Variants in HECW1 observed in about 807,000 individuals in gnomAD.
The protein encoded by HECW1 is HECT, C2 and WW domain containing E3 ubiquitin protein ligase 1, also known as E3 ubiquitin-protein ligase HECW1.
Under a neutral mutation model 182.3 loss-of-function variants are expected in HECW1, and 61 were observed. That is an observed-to-expected ratio of 0.33 (90% confidence interval 0.27 to 0.41). HECW1 has a LOEUF of 0.41. HECW1 is among the 10% of genes least tolerant of loss of function. HECW1 has a pLI of 1.00. For synonymous variants in HECW1, 859 were observed against 832.6 expected (o/e 1.03, Z -0.55); for missense variants, 1,739 against 2,108.9 (o/e 0.82, Z 3.44).
At chr7:43,488,709 G>C (rs1488574146) in intron 17 of HECW1, among the ~76,000 whole-genome samples, 3 of 152,066 alleles carry the variant, frequency 2.0e-5, no homozygotes, top group African/African-American at 7.2e-5. Context: ...TGTCTTCATC[G>C]CTGTCCATTC....
intron 2 of HECW1, among the ~76,000 whole-genome samples, chr7:43,128,726 A>G (rs1305221598): frequency 6.6e-6 from 1 of 152,216 alleles, no homozygotes; most frequent in African/African-American, 2.4e-5. Context: ...GGTAGAGTCC[A>G]TTGAAAACCT....
intron 24 of HECW1, among the ~76,000 whole-genome samples, chr7:43,524,630 C>T (rs914500818): frequency 6.6e-6 from 1 of 152,156 alleles, no homozygotes; most frequent in Non-Finnish European, 1.5e-5. Flanking sequence ...TAAGCAAATA[C>T]TAACATTATT....
At chr7:43,251,507 G>A in intron 3 of HECW1, among the ~76,000 whole-genome samples, 1 of 152,046 alleles carries the variant, frequency 6.6e-6, no homozygotes, top group East Asian at 1.9e-4. Context: ...ATAGAGATGG[G>A]GTTTCACCAT....
chr7:43,266,319 G>GT (rs1186650361), intron 3 of HECW1, among the ~76,000 whole-genome samples: 1 of 151,986 alleles, frequency 6.6e-6, no homozygotes, highest in Non-Finnish European at 1.5e-5. Flanking sequence ...CTCAGGAAGT[G>GT]TTTTTTTGTT....
At chr7:43,215,107 AG>A (rs1562685582) in intron 2 of HECW1, among the ~76,000 whole-genome samples, 1 of 152,150 alleles carries the variant, frequency 6.6e-6, no homozygotes, top group Non-Finnish European at 1.5e-5. Context: ...TTGAATTTTC[AG>A]GTTCTTGATT....
chr7:43,392,958 C>T (rs2075095294), intron 6 of HECW1, among the ~76,000 whole-genome samples: 1 of 152,010 alleles, frequency 6.6e-6, no homozygotes, highest in African/African-American at 2.4e-5. Flanking sequence ...TTTCAAAAGG[C>T]AATTGTAGAG....
intron 3 of HECW1, among the ~76,000 whole-genome samples, chr7:43,273,675 AATG>A (rs767376525): frequency 8.8e-4 from 134 of 152,322 alleles, no homozygotes; most frequent in Non-Finnish European, 1.4e-3. Flanking sequence ...AAAATAACAG[AATG>A]ATAACAATGG....
intron 2 of HECW1, among the ~76,000 whole-genome samples, chr7:43,213,815 A>G (rs1796215447): frequency 6.6e-6 from 1 of 152,194 alleles, no homozygotes; most frequent in East Asian, 1.9e-4. Context: ...GATATAATTA[A>G]TAAAAGACTT....
chr7:43,542,735 G>T (rs554582360), intron 26 of HECW1, among the ~76,000 whole-genome samples: 1 of 152,112 alleles, frequency 6.6e-6, no homozygotes, highest in African/African-American at 2.4e-5. Flanking sequence ...TAGATCATGT[G>T]GTAATGGGAT....
intron 3 of HECW1, among the ~76,000 whole-genome samples, chr7:43,263,027 C>G (rs1176151014): frequency 6.6e-6 from 1 of 152,206 alleles, no homozygotes; most frequent in East Asian, 1.9e-4. Flanking sequence ...ATCAAAATGA[C>G]AAGAGTGGTT....
rs116914273 is a variant in HECW1, at chr7:43,480,625, G to A, written c.3234+881G>A. Among the ~76,000 whole-genome samples, 437 of 150,334 alleles carry A rather than the reference G, an allele frequency of 2.9e-3. 6 individuals are homozygous for A. The East Asian group carries it at 0.034, about 12-fold the overall frequency. On this transcript the variant is annotated intron_variant, in intron 17 of 29. Coordinates refer to ENST00000395891, the MANE Select transcript of HECW1 (RefSeq NM_015052.5). Reference sequence around the variant, plus strand: ...GGTGAGTGAGTTTGTGTGTGTGTGCGTGTGTGTGTGTGTACATATGTGTGT... The same window carrying A: ...GGTGAGTGAGTTTGTGTGTGTGTGCATGTGTGTGTGTGTACATATGTGTGT...
intron 8 of HECW1, among the ~76,000 whole-genome samples, chr7:43,411,593 A>G (rs1468863950): frequency 6.6e-6 from 1 of 152,154 alleles, no homozygotes; most frequent in African/African-American, 2.4e-5. Flanking sequence ...TAAATCCTTT[A>G]CTATGTTCAT....
At chr7:43,209,666 C>T (rs1795823399) in intron 2 of HECW1, among the ~76,000 whole-genome samples, 1 of 152,154 alleles carries the variant, frequency 6.6e-6, no homozygotes, top group Non-Finnish European at 1.5e-5. Context: ...TGGAGACGTA[C>T]AGATGCGAAG....
intron 5 of HECW1, among the ~76,000 whole-genome samples, chr7:43,352,555 G>A (rs548052078): frequency 9.2e-5 from 14 of 152,176 alleles, no homozygotes; most frequent in Non-Finnish European, 1.9e-4. Context: ...CAAGAAAGGA[G>A]TTAATGTTTG....
At chr7:43,140,708 T>A (rs528710301) in intron 2 of HECW1, among the ~76,000 whole-genome samples, 115 of 152,344 alleles carry the variant, frequency 7.5e-4, no homozygotes, top group Non-Finnish European at 4.4e-5. Flanking sequence ...TTTTGCGGTA[T>A]CAGCTCGGCT....
intron 5 of HECW1, among the ~76,000 whole-genome samples, chr7:43,349,745 A>G (rs1814160782): frequency 6.6e-6 from 1 of 151,924 alleles, no homozygotes; most frequent in South Asian, 2.1e-4. Context: ...GTGAGTCCTT[A>G]TGTGTTAGTT....
At chr7:43,182,203 G>A (rs1219814672) in intron 2 of HECW1, among the ~76,000 whole-genome samples, 1 of 152,192 alleles carries the variant, frequency 6.6e-6, no homozygotes, top group East Asian at 1.9e-4. Context: ...TGCTTTCAAT[G>A]TCTTATTTAA....
At chr7:43,180,742 GA>G (rs1346280142) in intron 2 of HECW1, among the ~76,000 whole-genome samples, 1 of 152,160 alleles carries the variant, frequency 6.6e-6, no homozygotes, top group African/African-American at 2.4e-5. Context: ...ACATGTTTAT[GA>G]AGTACAATGT....
chr7:43,389,641 T>C (rs1325128507), intron 6 of HECW1, among the ~76,000 whole-genome samples: 1 of 151,288 alleles, frequency 6.6e-6, no homozygotes, highest in African/African-American at 2.4e-5. Context: ...TTGTTGTTGT[T>C]GTTGTCGTTG....
Sources: allele counts gnomAD v4.1 joint callset (sites outside exome capture counted in the v4.1 genomes callset), GRCh38; gene constraint gnomAD v4.1.1; transcripts MANE v1.5; gene names NCBI Gene and HGNC (gene_info 2026-07-23, HGNC 2026-07-21).